The following PRKCE variants were observed in gnomAD, a reference collection of about 807,000 sequenced individuals.
The protein encoded by PRKCE is protein kinase C epsilon, also known as protein kinase C epsilon type.
A neutral mutation model predicts 85.4 loss-of-function variants in PRKCE; 16 were observed. The observed-to-expected ratio is 0.19, with a 90% CI of 0.13 to 0.28. PRKCE has a LOEUF of 0.28. Among genes scored for constraint, PRKCE ranks in the 10% least tolerant of loss-of-function variants. PRKCE has a pLI of 1.00. For synonymous variants in PRKCE, 388 were observed against 371.5 expected (o/e 1.04, Z -0.51); for missense variants, 573 against 975.2 (o/e 0.59, Z 5.49).
intron 14 of PRKCE, among the ~76,000 whole-genome samples, chr2:46,175,589 A>C (rs147643094): frequency 6.6e-6 from 1 of 152,368 alleles, no homozygotes; most frequent in Admixed American, 6.5e-5. Context: ...GCCCAAGGCC[A>C]CAAAGTTAGT....
Position 45,773,989 on chromosome 2 carries a change from G to A in PRKCE, c.349-69011G>A, listed in dbSNP as rs575561834. 4.6e-5 allele frequency among the ~76,000 whole-genome samples: 7 copies of A among 152,294 alleles called. No homozygotes were observed. In the South Asian group the frequency reaches 8.3e-4, roughly 18 times the overall value. On this transcript the variant is annotated intron_variant, in intron 1 of 14. Coordinates refer to ENST00000306156, the MANE Select transcript of PRKCE (RefSeq NM_005400.3). ...CGGTGCTGTCCGCTGCTGTCATCCC[G>A]TGGCTGCTGCTGTCTGCCACATCAG...
At chr2:45,794,727 T>C (rs1687285036) in intron 1 of PRKCE, among the ~76,000 whole-genome samples, 1 of 152,160 alleles carries the variant, frequency 6.6e-6, no homozygotes, top group Admixed American at 6.5e-5. Context: ...CTCCCAAGGT[T>C]GGACTGTTCG....
At chr2:45,709,564 G>T (rs1679426827) in intron 1 of PRKCE, among the ~76,000 whole-genome samples, 1 of 152,174 alleles carries the variant, frequency 6.6e-6, no homozygotes, top group African/African-American at 2.4e-5. Flanking sequence ...GAGTTCCTGG[G>T]CCACCCCATC....
At chr2:46,038,591 C>G (rs1185187132) in intron 10 of PRKCE, among the ~76,000 whole-genome samples, 1 of 150,556 alleles carries the variant, frequency 6.6e-6, no homozygotes, top group African/African-American at 2.4e-5. Flanking sequence ...CAATACTTGT[C>G]ATGGTCTTTG....
At chr2:45,742,605 A>G (rs1268025633) in intron 1 of PRKCE, among the ~76,000 whole-genome samples, 1 of 152,206 alleles carries the variant, frequency 6.6e-6, no homozygotes. Context: ...AGTATTATCA[A>G]AAAGATAATA....
In PRKCE at chr2:45,716,336, G is replaced by T. The variant is rs371048493; in HGVS notation, c.348+63888G>T. Among the ~76,000 whole-genome samples the T allele has an allele frequency of 9.2e-5, 14 of 152,188 alleles. 1 individual carries two copies. Among genetic ancestry groups the T allele is most frequent in the Admixed American group, 7.9e-4 (12 of 15,272 alleles). ...GTTCAAGATTAGCCTGGCCAACATG[G>T]TGAAACCCTGTGTCTACCAAAAATA... is the stretch of plus-strand genomic sequence containing the variant. On this transcript the variant is annotated intron_variant, in intron 1 of 14. Coordinates refer to ENST00000306156, the MANE Select transcript of PRKCE (RefSeq NM_005400.3).
chr2:46,143,047 T>C (rs917846097), intron 11 of PRKCE, among the ~76,000 whole-genome samples: 1 of 152,170 alleles, frequency 6.6e-6, no homozygotes, highest in Admixed American at 6.5e-5. Context: ...ATAAGCACAC[T>C]GGCTTGCAGA....
chr2:45,845,014 A>G (rs984107618), intron 2 of PRKCE, among the ~76,000 whole-genome samples: 2 of 152,144 alleles, frequency 1.3e-5, no homozygotes, highest in African/African-American at 2.4e-5. Context: ...CCAGAGTCTG[A>G]AAAGTGCTAG....
intron 9 of PRKCE, among the ~76,000 whole-genome samples, chr2:46,009,720 A>G (rs1480986019): frequency 2.6e-5 from 4 of 152,230 alleles, no homozygotes; most frequent in African/African-American, 9.6e-5. Context: ...AACTTATATA[A>G]TACTTAATGA....
At chr2:46,066,405 G>C (rs890568038) in intron 10 of PRKCE, among the ~76,000 whole-genome samples, 8 of 152,056 alleles carry the variant, frequency 5.3e-5, no homozygotes, top group Admixed American at 4.6e-4. Context: ...AAAATAGATA[G>C]GTAGAGGTTG....
chr2:45,925,048 G>T (rs1222891823), intron 2 of PRKCE, among the ~76,000 whole-genome samples: 1 of 152,030 alleles, frequency 6.6e-6, no homozygotes, highest in Non-Finnish European at 1.5e-5. Context: ...GGCTGGGCAG[G>T]GTGTTTTAAA....
chr2:45,894,914 G>T (rs1388772442), intron 2 of PRKCE, among the ~76,000 whole-genome samples: 3 of 152,124 alleles, frequency 2.0e-5, no homozygotes, highest in African/African-American at 4.8e-5. Flanking sequence ...GTAGAGACAG[G>T]GTTTTGCCAT....
intron 2 of PRKCE, among the ~76,000 whole-genome samples, chr2:45,902,873 T>G (rs1696677917): frequency 6.6e-6 from 1 of 152,238 alleles, no homozygotes; most frequent in Non-Finnish European, 1.5e-5. Context: ...GTTTGGATAG[T>G]GCTTGAGTGA....
At chr2:45,674,370 G>A (rs536020484) in intron 1 of PRKCE, among the ~76,000 whole-genome samples, 10 of 152,320 alleles carry the variant, frequency 6.6e-5, no homozygotes, top group Admixed American at 6.5e-4. Flanking sequence ...ACATGGCAAT[G>A]TCTGGAATTT....
chr2:45,705,869 C>T (rs915663492), intron 1 of PRKCE, among the ~76,000 whole-genome samples: 9 of 152,198 alleles, frequency 5.9e-5, no homozygotes, highest in African/African-American at 2.2e-4. Flanking sequence ...TTGTCCAGTG[C>T]AGTGGCTGTT....
At chr2:46,069,866 C>T (rs1293602475) in intron 10 of PRKCE, among the ~76,000 whole-genome samples, 1 of 152,206 alleles carries the variant, frequency 6.6e-6, no homozygotes, top group Non-Finnish European at 1.5e-5. Flanking sequence ...CTAGCGGTCA[C>T]CTATTCCCTT....
intron 2 of PRKCE, among the ~76,000 whole-genome samples, chr2:45,853,189 G>T (rs1350292099): frequency 6.6e-6 from 1 of 152,164 alleles, no homozygotes; most frequent in Non-Finnish European, 1.5e-5. Context: ...GGGGAAAGGA[G>T]TTGAGAAGGC....
chr2:46,113,715 G>C (rs1368869284), intron 11 of PRKCE, among the ~76,000 whole-genome samples: 2 of 152,324 alleles, frequency 1.3e-5, no homozygotes, highest in East Asian at 3.9e-4. Flanking sequence ...TCATGTAAGG[G>C]CTGCCACTTA....
intron 2 of PRKCE, among the ~76,000 whole-genome samples, chr2:45,899,170 G>A (rs1282642660): frequency 6.6e-6 from 1 of 152,124 alleles, no homozygotes; most frequent in East Asian, 1.9e-4. Flanking sequence ...CCTAAGCCTG[G>A]ATTTGACCTT....
Sources: allele counts gnomAD v4.1 joint callset (sites outside exome capture counted in the v4.1 genomes callset), GRCh38; gene constraint gnomAD v4.1.1; transcripts MANE v1.5; gene names NCBI Gene and HGNC (gene_info 2026-07-23, HGNC 2026-07-21).